The following RAD21 variants were observed in gnomAD, a reference collection of about 807,000 sequenced individuals.
RAD21 encodes the protein double-strand-break repair protein rad21 homolog.
A neutral mutation model predicts 71.5 loss-of-function variants in RAD21; 18 were observed. The ratio of observed to expected loss-of-function variants is 0.25; its 90% CI spans 0.17 to 0.37. The LOEUF (loss-of-function observed/expected upper bound fraction) is 0.37. Ranked by LOEUF, RAD21 falls within the 10% of genes least tolerant of loss-of-function variation. The pLI, the probability that RAD21 is intolerant of heterozygous loss-of-function variation, is 1.00. For synonymous variants in RAD21, 248 were observed against 254.0 expected (o/e 0.98, Z 0.22); for missense variants, 493 against 769.1 (o/e 0.64, Z 4.25).
At chr8:116,849,351 T>A (rs573190509) in intron 12 of RAD21, 15 of 276,354 alleles carry the variant, frequency 5.4e-5, no homozygotes, top group African/African-American at 3.0e-4. Context: ...TTTTGGTTAC[T>A]GGCCCCTCTT....
intron 12 of RAD21, among the ~76,000 whole-genome samples, 166 bp downstream of exon 12, chr8:116,850,452 C>T (rs2130455617): frequency 6.6e-6 from 1 of 152,300 alleles, no homozygotes; most frequent in East Asian, 1.9e-4. Context: ...ATTTGATGTT[C>T]CTAATGATGA....
chr8:116,870,389 T>C (rs1812795045), intron 1 of RAD21, among the ~76,000 whole-genome samples: 2 of 152,166 alleles, frequency 1.3e-5, no homozygotes, highest in Admixed American at 6.5e-5. Flanking sequence ...AATTAAAGAA[T>C]GAAGAAATAC....
chr8:116,870,382 T>A (rs549374393), intron 1 of RAD21, among the ~76,000 whole-genome samples: 1 of 152,258 alleles, frequency 6.6e-6, no homozygotes, highest in South Asian at 2.1e-4. Flanking sequence ...AAAAAGAAAT[T>A]AAAGAATGAA....
intron 1 of RAD21, among the ~76,000 whole-genome samples, chr8:116,873,019 G>A (rs1169585192): frequency 6.6e-6 from 1 of 152,108 alleles, no homozygotes; most frequent in African/African-American, 2.4e-5. Flanking sequence ...TTAAATACAA[G>A]GGCACACCTA....
intron 3 of RAD21, among the ~76,000 whole-genome samples, chr8:116,862,749 GA>G (rs1314531217): frequency 6.6e-6 from 1 of 151,870 alleles, no homozygotes; most frequent in Admixed American, 6.6e-5. Flanking sequence ...ATTTACTTAG[GA>G]AAAAAAGTTT....
chr8:116,848,761 TA>T (rs56668650), intron 13 of RAD21, 184 bp downstream of exon 13: 15,281 of 327,250 alleles, frequency 0.047, 1 homozygote, highest in Non-Finnish European at 0.06. Flanking sequence ...TAAACTATAA[TA>T]AAAAAAAAAA....
At chr8:116,854,512 G>A (rs1812422282) in intron 8 of RAD21, 44 bp from the exon 9 acceptor site, 1 of 1,427,916 alleles carries the variant, frequency 7.0e-7, no homozygotes, top group Non-Finnish European at 9.9e-7. Context: ...TGAGAGGCCA[G>A]CATGGAACAC....
At chr8:116,857,597 T>A in intron 5 of RAD21, 124 bp from the exon 6 acceptor site, 1 of 824,182 alleles carries the variant, frequency 1.2e-6, no homozygotes, top group Non-Finnish European at 1.8e-6. Context: ...CTTCAAATGT[T>A]AAAATATCTA....
intron 8 of RAD21, 87 bp downstream of exon 8, chr8:116,856,079 C>G: frequency 7.0e-7 from 1 of 1,436,424 alleles, no homozygotes; most frequent in South Asian, 1.3e-5. Flanking sequence ...TTATCTAATA[C>G]AACAGTAGCA....
intron 11 of RAD21, 173 bp downstream of exon 11, chr8:116,851,775 T>TA (rs773161706): frequency 8.0e-5 from 44 of 551,820 alleles, no homozygotes; most frequent in Non-Finnish European, 1.3e-4. Context: ...TCCCAGAACA[T>TA]ATTCTCTCAC....
At chr8:116,862,431 AGTATT>A (rs1335580161) in intron 3 of RAD21, among the ~76,000 whole-genome samples, 1 of 152,080 alleles carries the variant, frequency 6.6e-6, no homozygotes, top group African/African-American at 2.4e-5. Context: ...TGTTAATTTA[AGTATT>A]GTAGTCTTTT....
At chr8:116,853,911 C>G (rs1199176736) in intron 9 of RAD21, among the ~76,000 whole-genome samples, 3 of 152,206 alleles carry the variant, frequency 2.0e-5, no homozygotes, top group Non-Finnish European at 4.4e-5. Context: ...GAGAACCACT[C>G]ATGTTTCATT....
rs1352870489 is a variant in RAD21 at position 116,846,331 on chromosome 8, A to AACTT, written c.*1165_*1168dup. On this transcript the variant is annotated 3_prime_UTR_variant, in exon 14 of 14. Coordinates refer to ENST00000297338, the MANE Select transcript of RAD21 (RefSeq NM_006265.3). ...ACAAAAGTTTCAACACTTAAGCTAG[A>AACTT]ACTTTCAGTGTTAACTTTGCCCTAA... 8.7e-6 allele frequency: 2 copies of AACTT among 230,048 alleles called. No homozygotes were observed. The highest frequency in any genetic ancestry group is 4.5e-5 in the African/African-American group (2 of 44,734). 14.3% of individuals were successfully genotyped at this position (230,048 alleles called of 1,614,324 possible).
In RAD21 at chr8:116,857,306, C is replaced by A. The variant is rs1158262020; in HGVS notation, c.649G>T (p.Asp217Tyr). 1 of 1,610,838 alleles carries A rather than the reference C, an allele frequency of 6.2e-7. No homozygotes were observed. ...TCATTTCCTTCTCCAAAATTATCATCCTTATATTGATCTTCATATTCTAAA... is the reference window on the plus strand; with the variant it reads ...TCATTTCCTTCTCCAAAATTATCATACTTATATTGATCTTCATATTCTAAA... The part of the protein sequence containing the change: ...NHLEYEDQYK[D>Y]DNFGEGNDGG... The change falls in exon 6 of 14, where the codon GAT (aspartate) becomes TAT (tyrosine). Residue 217 changes from aspartate (D) to tyrosine (Y), a missense_variant. Transcript: ENST00000297338.
rs142405374 is a variant in RAD21, at chr8:116,870,798, ATAAG to A, written c.-33+3809_-33+3812del. Among the ~76,000 whole-genome samples, 386 of 152,372 alleles carry A rather than the reference ATAAG, an allele frequency of 2.5e-3. 2 individuals carry two copies. Among genetic ancestry groups the A allele is most frequent in the African/African-American group, 8.5e-3 (352 of 41,584 alleles). On this transcript the variant is annotated intron_variant, in intron 1 of 13. Transcript: ENST00000297338. ...CAATTACTAAATATGTGCTTAATGA[ATAAG>A]TAAGTAAGATCCACCAAGTGATCTC... is the stretch of plus-strand genomic sequence containing the variant.
chr8:116,853,232 CCA>C (rs1440100178), intron 9 of RAD21, among the ~76,000 whole-genome samples: 1 of 152,064 alleles, frequency 6.6e-6, no homozygotes, highest in South Asian at 2.1e-4. Flanking sequence ...GTGTGTACCA[CCA>C]CACACGGCTA....
chr8:116,866,755 A>G lies in RAD21; in HGVS notation c.-26T>C. ...TGTTCTGGCTGGCTATGAAAACAGA[A>G]GAAAACCTAAGAGGGGAAAAAAAAG... On this transcript the variant is annotated 5_prime_UTR_variant, in exon 2 of 14. Coordinates refer to ENST00000297338, the MANE Select transcript of RAD21 (RefSeq NM_006265.3). 1.3e-6 allele frequency: 2 copies of G among 1,571,218 alleles called. No individual in the cohort carries two copies. Among genetic ancestry groups the G allele is most frequent in the Non-Finnish European group, 1.7e-6 (2 of 1,160,020 alleles).
At chr8:116,867,351 TCTTAA>T (rs891756363) in intron 1 of RAD21, among the ~76,000 whole-genome samples, 28 of 152,318 alleles carry the variant, frequency 1.8e-4, no homozygotes, top group East Asian at 1.4e-3. Flanking sequence ...TATATAGTTT[TCTTAA>T]CTTAAGAACT....
intron 2 of RAD21, among the ~76,000 whole-genome samples, chr8:116,866,225 T>C (rs1812687685): frequency 1.3e-5 from 2 of 150,030 alleles, no homozygotes; most frequent in Admixed American, 6.7e-5. Context: ...TTATACTAAG[T>C]AATACGCATT....
Sources: allele counts gnomAD v4.1 joint callset (sites outside exome capture counted in the v4.1 genomes callset), GRCh38; gene constraint gnomAD v4.1.1; transcripts MANE v1.5; gene names NCBI Gene and HGNC (gene_info 2026-07-23, HGNC 2026-07-21).